MAPK10: variants seen among roughly 807,000 people sequenced by gnomAD.
The protein encoded by MAPK10 is mitogen-activated protein kinase 10.
Under a neutral mutation model 59.3 loss-of-function variants are expected in MAPK10, and 25 were observed. The ratio of observed to expected loss-of-function variants is 0.42; its 90% CI spans 0.31 to 0.59. The LOEUF is 0.59. Ranked by LOEUF, MAPK10 falls within the 20% of genes least tolerant of loss-of-function variation. The pLI is 0.15. For missense variants in MAPK10, 351 were observed against 568.9 expected, an observed-to-expected ratio of 0.62 and a Z score of 3.90; for synonymous variants, 190 against 200.5, an observed-to-expected ratio of 0.95 and a Z score of 0.44.
At chr4:86,511,395 A>C (rs1438076777) in intron 1 of MAPK10, among the ~76,000 whole-genome samples, 2 of 151,880 alleles carry the variant, frequency 1.3e-5, no homozygotes, top group African/African-American at 4.8e-5. Flanking sequence ...TGTCTCTACT[A>C]AAAATAAAAT....
intron 9 of MAPK10, among the ~76,000 whole-genome samples, chr4:86,088,136 C>A (rs1168903318): frequency 6.6e-6 from 1 of 152,068 alleles, no homozygotes; most frequent in African/African-American, 2.4e-5. Flanking sequence ...GCACACTATT[C>A]ATATCTATTT....
intron 1 of MAPK10, among the ~76,000 whole-genome samples, chr4:86,542,169 C>T (rs1313468881): frequency 2.0e-5 from 3 of 151,936 alleles, no homozygotes; most frequent in African/African-American, 7.3e-5. Context: ...AGAAAAATAA[C>T]ATTAAGAAGC....
At chr4:86,067,254 G>T (rs1286055840) in intron 10 of MAPK10, among the ~76,000 whole-genome samples, 1 of 152,136 alleles carries the variant, frequency 6.6e-6, no homozygotes, top group African/African-American at 2.4e-5. Context: ...CGACTCTCCT[G>T]CCTCAGCCTC....
intron 11 of MAPK10, among the ~76,000 whole-genome samples, chr4:86,047,378 C>A (rs914419963): frequency 1.3e-5 from 2 of 152,070 alleles, no homozygotes; most frequent in Non-Finnish European, 2.9e-5. Context: ...GAAGGAAATA[C>A]AATGCAAAGA....
At chr4:86,319,627 C>A (rs2095852554) in intron 2 of MAPK10, among the ~76,000 whole-genome samples, 1 of 152,162 alleles carries the variant, frequency 6.6e-6, no homozygotes, top group Non-Finnish European at 1.5e-5. Context: ...TGGCAGCAAC[C>A]TGAATCCAGG....
chr4:86,554,998 A>G (rs1760145469), intron 1 of MAPK10, among the ~76,000 whole-genome samples: 1 of 152,172 alleles, frequency 6.6e-6, no homozygotes, highest in Non-Finnish European at 1.5e-5. Flanking sequence ...CCTCTTCTGT[A>G]TATAACAAAT....
chr4:86,432,434 C>T (rs1198274144), intron 1 of MAPK10, among the ~76,000 whole-genome samples: 2 of 152,000 alleles, frequency 1.3e-5, no homozygotes, highest in African/African-American at 4.8e-5. Flanking sequence ...ACCAGGACGC[C>T]CAGCTAATTT....
At chr4:86,425,122 A>G (rs1314788606) in intron 1 of MAPK10, among the ~76,000 whole-genome samples, 1 of 152,218 alleles carries the variant, frequency 6.6e-6, no homozygotes, top group Admixed American at 6.5e-5. Flanking sequence ...AGTCAAGCAA[A>G]GAAAGAATCA....
At chr4:86,316,909 G>A (rs1054504405) in intron 2 of MAPK10, among the ~76,000 whole-genome samples, 1 of 100,888 alleles carries the variant, frequency 9.9e-6, no homozygotes, top group African/African-American at 2.7e-5. Context: ...TTTCATGAGA[G>A]GGATTTTTTA....
intron 1 of MAPK10, among the ~76,000 whole-genome samples, chr4:86,546,742 G>C (rs1759209907): frequency 6.6e-6 from 1 of 152,112 alleles, no homozygotes; most frequent in African/African-American, 2.4e-5. Flanking sequence ...GAAAATCCCA[G>C]ATGTAAACTC....
intron 13 of MAPK10, among the ~76,000 whole-genome samples, chr4:86,022,284 A>G (rs1399688564): frequency 6.6e-6 from 1 of 152,188 alleles, no homozygotes; most frequent in African/African-American, 2.4e-5. Context: ...TTATCTAGCC[A>G]TCCTAGTGTG....
chr4:86,024,141 T>C (rs2148903591), intron 13 of MAPK10: 1 of 152,126 alleles, frequency 6.6e-6, no homozygotes, highest in Middle Eastern at 3.4e-3. Context: ...AGTTGAGTAA[T>C]GATTCAAATA....
At chr4:86,077,630 C>A (rs769833735) in intron 9 of MAPK10, among the ~76,000 whole-genome samples, 4 of 152,134 alleles carry the variant, frequency 2.6e-5, no homozygotes, top group Non-Finnish European at 5.9e-5. Flanking sequence ...ATTTCCAGAG[C>A]CAACACCTCA....
At chr4:86,546,016 C>A (rs1280469461) in intron 1 of MAPK10, among the ~76,000 whole-genome samples, 3 of 144,316 alleles carry the variant, frequency 2.1e-5, no homozygotes, top group African/African-American at 7.7e-5. Context: ...TTTGGGAGGC[C>A]GAGGCGGGCG....
chr4:86,232,369 G>T (rs1302595407), intron 2 of MAPK10, among the ~76,000 whole-genome samples: 1 of 150,710 alleles, frequency 6.6e-6, no homozygotes, highest in Non-Finnish European at 1.5e-5. Flanking sequence ...ATGTATAATA[G>T]AATCAATTTT....
chr4:86,457,207 A>G (rs1378336653), upstream of MAPK10, among the ~76,000 whole-genome samples: 2 of 152,226 alleles, frequency 1.3e-5, no homozygotes, highest in African/African-American at 2.4e-5. Context: ...CAGATACTGA[A>G]TGGGGAAAAG....
intron 9 of MAPK10, among the ~76,000 whole-genome samples, chr4:86,082,812 C>T (rs976897049): frequency 2.0e-5 from 3 of 152,166 alleles, no homozygotes; most frequent in African/African-American, 7.2e-5. Flanking sequence ...TTGCTCCAAT[C>T]CTTTGTCATT....
intron 1 of MAPK10, among the ~76,000 whole-genome samples, chr4:86,538,271 C>T (rs1024065065): frequency 6.6e-6 from 1 of 151,232 alleles, no homozygotes; most frequent in African/African-American, 2.4e-5. Flanking sequence ...CTCAGCCTCT[C>T]GAGTAGCTGG....
At chr4:86,142,312 G>T (rs777020690) in intron 4 of MAPK10, among the ~76,000 whole-genome samples, 35 of 152,186 alleles carry the variant, frequency 2.3e-4, no homozygotes, top group Admixed American at 5.2e-4. Context: ...TGCGTTAATG[G>T]ACAAGCCTTG....
Sources: gnomAD v4.1 joint callset for allele counts (sites outside exome capture counted in the v4.1 genomes callset) on GRCh38, gnomAD v4.1.1 for gene constraint, MANE v1.5 for transcripts, NCBI Gene and HGNC (gene_info 2026-07-23, HGNC 2026-07-21) for gene names.